ERBB4: variants seen among roughly 807,000 people sequenced by gnomAD.
The protein encoded by ERBB4 is erb-b2 receptor tyrosine kinase 4.
Under a neutral mutation model 158.0 loss-of-function variants are expected in ERBB4, and 42 were observed. The ratio of observed to expected loss-of-function variants is 0.27; its 90% CI spans 0.21 to 0.34. The LOEUF (loss-of-function observed/expected upper bound fraction) is 0.34, where lower values mean the gene tolerates loss of function less well. Ranked by LOEUF, ERBB4 falls within the 10% of genes least tolerant of loss-of-function variation. ERBB4 has a pLI of 1.00. For missense variants in ERBB4, 1,333 were observed against 1,624.1 expected, an observed-to-expected ratio of 0.82 and a Z score of 3.08; for synonymous variants, 583 against 558.7, an observed-to-expected ratio of 1.04 and a Z score of -0.61.
At chr2:211,582,679 T>C (rs2068140106) in intron 19 of ERBB4, among the ~76,000 whole-genome samples, 1 of 152,174 alleles carries the variant, frequency 6.6e-6, no homozygotes, top group Admixed American at 6.5e-5. Context: ...TCATCAGATC[T>C]ACAAATGGTA....
In ERBB4 at chr2:211,424,142, T is replaced by C. The variant is rs2063573782; in HGVS notation, c.2866+13A>G. On this transcript the variant is annotated intron_variant, in intron 23 of 27. Transcript: ENST00000342788. ...AGAATGATGATGGTGATAACATTATTTTGCAGTCTTACATTTGACCATGAC... is the reference window on the plus strand; with the variant it reads ...AGAATGATGATGGTGATAACATTATCTTGCAGTCTTACATTTGACCATGAC... 1.2e-6 allele frequency: 2 copies of C among 1,610,770 alleles called. No individual in the cohort carries two copies. The highest frequency in any genetic ancestry group is 1.6e-4 in the Middle Eastern group (1 of 6,078).
chr2:211,961,596 A>G (rs2081181328), intron 2 of ERBB4, among the ~76,000 whole-genome samples: 1 of 152,180 alleles, frequency 6.6e-6, no homozygotes, highest in African/African-American at 2.4e-5. Context: ...ATTCTTGACA[A>G]CAACAAGATA....
rs376722570 is a variant in ERBB4, at chr2:212,194,594, T to C, written c.83-69691A>G. On this transcript the variant is annotated intron_variant, in intron 1 of 27. Transcript: ENST00000342788. ...GCTAGCAGTTTGCTTAATAATGCAC[T>C]AACCTATTCAGAATGCTTATTGCTT... is the stretch of plus-strand genomic sequence containing the variant. Among the ~76,000 whole-genome samples, 33 of 152,176 alleles carry C rather than the reference T, an allele frequency of 2.2e-4. No individual in the cohort carries two copies. In the South Asian group the frequency reaches 6.4e-3, roughly 30 times the overall value.
At chr2:212,105,478 C>T (rs2079198174) in intron 2 of ERBB4, among the ~76,000 whole-genome samples, 1 of 152,134 alleles carries the variant, frequency 6.6e-6, no homozygotes, top group Non-Finnish European at 1.5e-5. Flanking sequence ...ATTCCTAAGG[C>T]TCTGAGTCTT....
At chr2:211,707,520 C>T (rs2073497426) in intron 9 of ERBB4, among the ~76,000 whole-genome samples, 1 of 152,088 alleles carries the variant, frequency 6.6e-6, no homozygotes. Flanking sequence ...TATTATTTCC[C>T]TTCCATTGTC....
chr2:212,284,362 T>A (rs1438991883), intron 1 of ERBB4, among the ~76,000 whole-genome samples: 2 of 152,144 alleles, frequency 1.3e-5, no homozygotes, highest in Non-Finnish European at 2.9e-5. Context: ...GCTGCCCTGT[T>A]TCCACAAACA....
chr2:211,646,318 A>G (rs2070781352), intron 16 of ERBB4, among the ~76,000 whole-genome samples: 1 of 151,490 alleles, frequency 6.6e-6, no homozygotes, highest in Non-Finnish European at 1.5e-5. Flanking sequence ...ATCTTAAAAA[A>G]CAGAAAGAGG....
chr2:212,531,808 G>A (rs1037845544), intron 1 of ERBB4, among the ~76,000 whole-genome samples: 2 of 152,028 alleles, frequency 1.3e-5, no homozygotes, highest in Non-Finnish European at 2.9e-5. Flanking sequence ...TGACTTTTAG[G>A]GAATTCAAGA....
chr2:211,504,843 C>T (rs1322334021), intron 20 of ERBB4, among the ~76,000 whole-genome samples: 1 of 151,994 alleles, frequency 6.6e-6, no homozygotes, highest in East Asian at 1.9e-4. Flanking sequence ...TGAGACAAAG[C>T]AGAAAAAGGA....
rs560801406 is a variant in ERBB4 at position 212,410,117 on chromosome 2, G to T, written c.82+128332C>A. 9.2e-5 allele frequency among the ~76,000 whole-genome samples: 14 copies of T among 152,062 alleles called. No homozygotes were observed. In the South Asian group the frequency reaches 2.9e-3, roughly 32 times the overall value. On this transcript the variant is annotated intron_variant, in intron 1 of 27. Coordinates refer to ENST00000342788, the MANE Select transcript of ERBB4 (RefSeq NM_005235.3). The stretch of plus-strand genomic sequence containing the variant: ...ATTTTGAAGTATTTTAAAGATAGAA[G>T]TGACACATTTTATACAGCTATACAA...
intron 2 of ERBB4, among the ~76,000 whole-genome samples, chr2:212,027,832 T>C (rs2076810005): frequency 6.6e-6 from 1 of 152,142 alleles, no homozygotes; most frequent in African/African-American, 2.4e-5. Flanking sequence ...TTATTTTTTT[T>C]TCAATATTTT....
intron 16 of ERBB4, among the ~76,000 whole-genome samples, chr2:211,643,731 T>C (rs888360111): frequency 6.6e-6 from 1 of 152,040 alleles, no homozygotes; most frequent in African/African-American, 2.4e-5. Flanking sequence ...TATCAGACTT[T>C]TCTGAATGCT....
intron 1 of ERBB4, among the ~76,000 whole-genome samples, chr2:212,315,089 C>G (rs2087213991): frequency 6.6e-6 from 1 of 151,328 alleles, no homozygotes; most frequent in Non-Finnish European, 1.5e-5. Context: ...GTTTTAAGTA[C>G]TGTAGGCAAG....
intron 3 of ERBB4, among the ~76,000 whole-genome samples, chr2:211,883,902 C>T (rs912979134): frequency 6.6e-6 from 1 of 152,166 alleles, no homozygotes; most frequent in African/African-American, 2.4e-5. Flanking sequence ...GGTGATAATT[C>T]AGCCTATTTA....
chr2:212,513,058 C>G (rs186018348), intron 1 of ERBB4, among the ~76,000 whole-genome samples: 38 of 152,296 alleles, frequency 2.5e-4, no homozygotes, highest in Admixed American at 2.1e-3. Context: ...ATTTCAGAAA[C>G]TGTCTTTCCC....
At chr2:211,867,798 A>T (rs1198303174) in intron 3 of ERBB4, among the ~76,000 whole-genome samples, 1 of 152,154 alleles carries the variant, frequency 6.6e-6, no homozygotes, top group African/African-American at 2.4e-5. Flanking sequence ...CCGTATGTTT[A>T]TTGTTATATA....
At chr2:211,729,118 A>C (rs1458322629) in intron 5 of ERBB4, among the ~76,000 whole-genome samples, 2 of 151,826 alleles carry the variant, frequency 1.3e-5, no homozygotes, top group African/African-American at 4.8e-5. Context: ...AAAACTTAAA[A>C]TTTTTGAAAA....
intron 1 of ERBB4, among the ~76,000 whole-genome samples, chr2:212,533,860 C>G (rs752873995): frequency 3.3e-5 from 5 of 152,172 alleles, no homozygotes; most frequent in Non-Finnish European, 1.5e-5. Context: ...TAAAAGATAA[C>G]AGTGGAATAT....
At chr2:212,385,255 T>A (rs1226292352) in intron 1 of ERBB4, among the ~76,000 whole-genome samples, 1 of 151,850 alleles carries the variant, frequency 6.6e-6, no homozygotes, top group African/African-American at 2.4e-5. Context: ...TTAGGCTTAA[T>A]TCTATATTTA....
Sources: allele counts gnomAD v4.1 joint callset (sites outside exome capture counted in the v4.1 genomes callset), GRCh38; gene constraint gnomAD v4.1.1; transcripts MANE v1.5; gene names NCBI Gene and HGNC (gene_info 2026-07-23, HGNC 2026-07-21).